The following SLC28A1 variants were observed in gnomAD, a reference collection of about 807,000 sequenced individuals.
The protein encoded by SLC28A1 is sodium/nucleoside cotransporter 1.
Under a neutral mutation model 74.8 loss-of-function variants are expected in SLC28A1, and 64 were observed. That is an observed-to-expected ratio of 0.86 (90% CI 0.70 to 1.05). The LOEUF is 1.05. Among genes scored for constraint, SLC28A1 ranks in the 50% least tolerant of loss-of-function variants. SLC28A1 has a pLI of 0.00. For missense variants in SLC28A1, 828 were observed against 822.8 expected (o/e 1.01, Z -0.08); for synonymous variants, 359 against 335.0 (o/e 1.07, Z -0.78).
downstream of SLC28A1, among the ~76,000 whole-genome samples, chr15:84,946,653 C>T (rs773552878): frequency 1.3e-5 from 2 of 152,094 alleles, no homozygotes; most frequent in Non-Finnish European, 2.9e-5. Context: ...ACACAAACTG[C>T]GATGTGGGGC....
At chr15:84,951,136 C>T in the SLC28A1 span, among the ~76,000 whole-genome samples, 218 of 152,230 alleles carry the variant, frequency 1.4e-3, 2 homozygotes, top group African/African-American at 4.7e-3. Context: ...AGGCAACACC[C>T]GAGAGATGGA....
At chr15:84,936,094 T>G (rs960144979) in intron 15 of SLC28A1, among the ~76,000 whole-genome samples, 1 of 150,592 alleles carries the variant, frequency 6.6e-6, no homozygotes, top group African/African-American at 2.5e-5. Flanking sequence ...TAGCTGGGAC[T>G]ACAGGCGCCC....
At chr15:84,895,422 C>G (rs774435161) in intron 6 of SLC28A1, 1 of 1,613,992 alleles carries the variant, frequency 6.2e-7, no homozygotes, top group Non-Finnish European at 8.5e-7. Flanking sequence ...CAGTACCTCC[C>G]TCAGATCACC....
At chr15:84,906,516 GTTTGTTTGTTTGTTTCTTTCTTTCTTTC>G (rs200195995) in intron 8 of SLC28A1, among the ~76,000 whole-genome samples, 13,797 of 70,958 alleles carry the variant, frequency 0.19, 1,058 homozygotes, top group Middle Eastern at 0.24. Context: ...TTGTTTGTTT[GTTTGTTTGTTTGTTTCTTTCTTTCTTTC>G]TTTCTTTCTT....
At chr15:84,884,789 G>T in intron 1 of SLC28A1, 38 bp downstream of exon 1, 1 of 971,532 alleles carries the variant, frequency 1.0e-6, no homozygotes, top group Non-Finnish European at 1.2e-6. Context: ...GGGAAGGCGG[G>T]ACTGAAGAAA....
the SLC28A1 span, chr15:84,975,409 C>G: frequency 2.2e-6 from 1 of 449,216 alleles, no homozygotes; most frequent in Non-Finnish European, 4.5e-6. Context: ...CTCAGAACAT[C>G]TCGACAACAT....
the SLC28A1 span, among the ~76,000 whole-genome samples, chr15:84,952,468 C>T: frequency 4.6e-5 from 7 of 152,226 alleles, no homozygotes; most frequent in East Asian, 1.9e-4. Context: ...GCTTCAGTGA[C>T]GGACCATGAG....
At chr15:84,904,320 T>A in intron 7 of SLC28A1, 82 bp downstream of exon 7, 1 of 1,596,024 alleles carries the variant, frequency 6.3e-7, no homozygotes, top group East Asian at 2.2e-5. Context: ...AGCTGGGGTA[T>A]AGGCAGATGT....
chr15:84,926,241 C>T (rs1200994286), intron 12 of SLC28A1, among the ~76,000 whole-genome samples: 2 of 151,956 alleles, frequency 1.3e-5, no homozygotes, highest in African/African-American at 2.4e-5. Context: ...CTCTGTTACT[C>T]AAGCTGGAGC....
intron 9 of SLC28A1, among the ~76,000 whole-genome samples, chr15:84,916,509 A>G (rs1436260574): frequency 6.6e-6 from 1 of 152,016 alleles, no homozygotes; most frequent in Admixed American, 6.5e-5. Context: ...CGGCCTCCCA[A>G]AGTGCTGGGA....
intron 5 of SLC28A1, among the ~76,000 whole-genome samples, chr15:84,894,437 TCCTGATGGA>T (rs530915642): frequency 2.4e-3 from 362 of 152,112 alleles, no homozygotes; most frequent in Non-Finnish European, 4.0e-3. Context: ...TATGTGTCTT[TCCTGATGGA>T]CTGGCTGAGT....
intron 6 of SLC28A1, chr15:84,895,485 CA>C (rs1965894587): frequency 6.2e-7 from 1 of 1,605,832 alleles, no homozygotes; most frequent in Non-Finnish European, 8.5e-7. Flanking sequence ...GGGGATTCAG[CA>C]GGCTCGATCG....
the SLC28A1 span, among the ~76,000 whole-genome samples, chr15:84,953,291 C>T: frequency 6.6e-6 from 1 of 152,210 alleles, no homozygotes. Flanking sequence ...GACAGGGCCT[C>T]CTTCTGAAAA....
At chr15:84,960,300 G>A in the SLC28A1 span, among the ~76,000 whole-genome samples, 3 of 121,506 alleles carry the variant, frequency 2.5e-5, 1 homozygote, top group African/African-American at 9.6e-5. Context: ...CTGTCGCCCA[G>A]GCTGGAGTAC....
chr15:84,932,144 G>A (rs1000626592), intron 12 of SLC28A1, among the ~76,000 whole-genome samples: 4 of 152,114 alleles, frequency 2.6e-5, no homozygotes, highest in Non-Finnish European at 4.4e-5. Flanking sequence ...CCTAGTTTTG[G>A]TTCTTCTCTA....
chr15:84,903,151 A>T (rs4843000), intron 6 of SLC28A1, among the ~76,000 whole-genome samples: 47,750 of 152,244 alleles, frequency 0.31, 8,719 homozygotes, highest in South Asian at 0.56. Flanking sequence ...GAGTTTAAAA[A>T]TATGAGCAGA....
the SLC28A1 span, among the ~76,000 whole-genome samples, chr15:84,963,333 A>G: frequency 6.6e-6 from 1 of 152,192 alleles, no homozygotes; most frequent in Middle Eastern, 3.4e-3. Flanking sequence ...CCCTCTCCCC[A>G]GGAGTGGGCA....
chr15:84,928,566 CTT>C (rs1970811116), intron 12 of SLC28A1, among the ~76,000 whole-genome samples: 7 of 17,320 alleles, frequency 4.0e-4, no homozygotes, highest in African/African-American at 9.1e-4. Context: ...TTCTTTCTTT[CTT>C]TCTTTCTTTC....
In SLC28A1 at chr15:84,917,420, A is replaced by T. The variant is rs1340251744; in HGVS notation, c.796-1104A>T. On this transcript the variant is annotated intron_variant, in intron 9 of 18. Coordinates refer to ENST00000394573, the MANE Select transcript of SLC28A1 (RefSeq NM_004213.5). Reference sequence around the variant, plus strand: ...CTAATGATTCCTGTGCCTATACAAGATCACACACAACGCCCCTCACACACA... The same window carrying T: ...CTAATGATTCCTGTGCCTATACAAGTTCACACACAACGCCCCTCACACACA... 2.0e-5 allele frequency among the ~76,000 whole-genome samples: 3 copies of T among 152,086 alleles called. 1 individual carries two copies. Among genetic ancestry groups the T allele is most frequent in the Admixed American group, 2.0e-4 (3 of 15,270 alleles).
Sources: gnomAD v4.1 joint callset for allele counts (sites outside exome capture counted in the v4.1 genomes callset) on GRCh38, gnomAD v4.1.1 for gene constraint, MANE v1.5 for transcripts, NCBI Gene and HGNC (gene_info 2026-07-23, HGNC 2026-07-21) for gene names.